Variants in BCAS1 observed in about 807,000 individuals in gnomAD.
The protein encoded by BCAS1 is breast carcinoma-amplified sequence 1.
BCAS1 carries 46 observed loss-of-function variants against 65.4 expected under a neutral mutation model. The ratio of observed to expected loss-of-function variants is 0.70; its 90% CI spans 0.55 to 0.90. The LOEUF is 0.90. Among genes scored for constraint, BCAS1 ranks in the 40% least tolerant of loss-of-function variants. The pLI is 0.00. For synonymous variants in BCAS1, 298 were observed against 293.5 expected (o/e 1.02, Z -0.16); for missense variants, 793 against 771.2 (o/e 1.03, Z -0.33).
intron 9 of BCAS1, among the ~76,000 whole-genome samples, chr20:53,974,259 C>A (rs554063807): frequency 3.9e-5 from 6 of 152,324 alleles, no homozygotes; most frequent in African/African-American, 1.4e-4. Context: ...GCTGTGGAAG[C>A]TTTGTTCTTT....
chr20:54,043,052 A>G (rs2092028859), intron 3 of BCAS1, among the ~76,000 whole-genome samples: 1 of 152,320 alleles, frequency 6.6e-6, no homozygotes, highest in African/African-American at 2.4e-5. Flanking sequence ...TGTAACTCTC[A>G]GAAGGCATTT....
intron 4 of BCAS1, among the ~76,000 whole-genome samples, chr20:53,996,964 T>G (rs2090932067): frequency 6.6e-6 from 1 of 152,204 alleles, no homozygotes; most frequent in Admixed American, 6.5e-5. Flanking sequence ...TTTCCAAACT[T>G]CTGGCTCTCT....
At position 54,036,238 on chromosome 20, in the gene BCAS1, T is replaced by C. The variant is rs142992999; in HGVS notation, c.143-7266A>G. On this transcript the variant is annotated intron_variant, in intron 3 of 12. Coordinates refer to ENST00000688948, the MANE Select transcript of BCAS1 (RefSeq NM_001366298.2). The stretch of plus-strand genomic sequence containing the variant: ...TGTACCCCTGAACTTAAAATAAAAG[T>C]TAAAAAAATGCAAAAAGATGACATA... 1.9e-4 allele frequency among the ~76,000 whole-genome samples: 28 copies of C among 151,138 alleles called. 1 individual carries two copies. Among genetic ancestry groups the C allele is most frequent in the African/African-American group, 6.8e-4 (28 of 41,366 alleles).
intron 1 of BCAS1, among the ~76,000 whole-genome samples, 183 bp downstream of exon 1, chr20:54,070,250 C>T (rs2146407122): frequency 6.6e-6 from 1 of 152,308 alleles, no homozygotes; most frequent in African/African-American, 2.4e-5. Flanking sequence ...GAGATGAGTG[C>T]TATCTTTGGG....
intron 7 of BCAS1, among the ~76,000 whole-genome samples, chr20:53,987,501 T>G (rs2090644208): frequency 6.6e-6 from 1 of 152,206 alleles, no homozygotes; most frequent in South Asian, 2.1e-4. Context: ...AACACACACA[T>G]GCTAAGTAGC....
intron 7 of BCAS1, 100 bp from the exon 8 acceptor site, chr20:53,985,599 TAA>T (rs1196455717): frequency 9.8e-7 from 1 of 1,019,478 alleles, no homozygotes; most frequent in Non-Finnish European, 1.4e-6. Flanking sequence ...AGGTTATACA[TAA>T]TGTTAATTTT....
At chr20:53,962,302 GCCT>G (rs2089902307) in intron 10 of BCAS1, among the ~76,000 whole-genome samples, 1 of 152,152 alleles carries the variant, frequency 6.6e-6, no homozygotes, top group African/African-American at 2.4e-5. Flanking sequence ...TTTCATGGCT[GCCT>G]CCTCATTTGG....
intron 3 of BCAS1, among the ~76,000 whole-genome samples, chr20:54,037,742 GA>G (rs1291648331): frequency 1.3e-5 from 2 of 151,276 alleles, no homozygotes; most frequent in Non-Finnish European, 3.0e-5. Context: ...ATGACTGGTA[GA>G]TTTAGTATTT....
chr20:53,990,014 G>A (rs1455243207), intron 7 of BCAS1, among the ~76,000 whole-genome samples: 1 of 152,168 alleles, frequency 6.6e-6, no homozygotes, highest in Non-Finnish European at 1.5e-5. Flanking sequence ...GATTCAATTT[G>A]GAGATTGTAT....
chr20:54,045,847 T>A (rs1357405101), intron 3 of BCAS1, among the ~76,000 whole-genome samples: 1 of 152,224 alleles, frequency 6.6e-6, no homozygotes, highest in Non-Finnish European at 1.5e-5. Flanking sequence ...AATTAATGAA[T>A]TGCCTCTATT....
chr20:53,950,478 C>G lies in BCAS1; in HGVS notation c.1815+2954G>C, dbSNP rs552598663. Among the ~76,000 whole-genome samples the G allele has an allele frequency of 5.3e-4, 81 of 152,090 alleles. 3 individuals are homozygous for G. The South Asian group carries it at 0.016, about 31-fold the overall frequency. ...TCAGGCAAAAGTAGCACACACCCCCCCATCCATACTCAGGCAAACTCTATC... is the reference window on the plus strand; with the variant it reads ...TCAGGCAAAAGTAGCACACACCCCCGCATCCATACTCAGGCAAACTCTATC... On this transcript the variant is annotated intron_variant, in intron 12 of 12. Coordinates refer to ENST00000688948, the MANE Select transcript of BCAS1 (RefSeq NM_001366298.2).
At chr20:54,011,971 T>G (rs1340108238) in intron 4 of BCAS1, among the ~76,000 whole-genome samples, 1 of 152,188 alleles carries the variant, frequency 6.6e-6, no homozygotes, top group Non-Finnish European at 1.5e-5. Context: ...GCATTAATGT[T>G]TATAGCAAAG....
At chr20:53,994,295 ACT>A (rs2090844409) in intron 6 of BCAS1, among the ~76,000 whole-genome samples, 1 of 152,208 alleles carries the variant, frequency 6.6e-6, no homozygotes, top group African/African-American at 2.4e-5. Context: ...CGTGTATTCC[ACT>A]AGAGGTAACG....
At chr20:54,069,676 G>A (rs527485021) in intron 1 of BCAS1, among the ~76,000 whole-genome samples, 4 of 152,278 alleles carry the variant, frequency 2.6e-5, no homozygotes, top group East Asian at 1.9e-4. Context: ...AGGTATTTAC[G>A]GGCAGTAGAG....
chr20:53,970,164 A>G (rs529068428), intron 9 of BCAS1, among the ~76,000 whole-genome samples: 1 of 152,368 alleles, frequency 6.6e-6, no homozygotes, highest in Admixed American at 6.5e-5. Flanking sequence ...ATAACTCTGT[A>G]AATCAATTCT....
At chr20:53,972,515 T>G (rs368612254) in intron 9 of BCAS1, among the ~76,000 whole-genome samples, 1 of 152,242 alleles carries the variant, frequency 6.6e-6, no homozygotes, top group Non-Finnish European at 1.5e-5. Flanking sequence ...CTCTGTTGCC[T>G]AGCAACAAAG....
At chr20:53,965,509 G>A (rs1300495977) in intron 10 of BCAS1, among the ~76,000 whole-genome samples, 1 of 152,066 alleles carries the variant, frequency 6.6e-6, no homozygotes, top group African/African-American at 2.4e-5. Context: ...TATTATTTAA[G>A]CTCCTGGCTG....
intron 1 of BCAS1, among the ~76,000 whole-genome samples, chr20:54,059,272 A>C (rs901737125): frequency 6.6e-6 from 1 of 152,228 alleles, no homozygotes; most frequent in African/African-American, 2.4e-5. Context: ...ATTCAACAGA[A>C]TTAAAGTTAA....
At position 54,028,800 on chromosome 20, in the gene BCAS1, T is replaced by C. The variant is rs1368197817; in HGVS notation, c.315A>G (p.Gly105=). 4 of 1,614,036 alleles carry C rather than the reference T, an allele frequency of 2.5e-6. No individual in the cohort carries two copies. Among genetic ancestry groups the C allele is most frequent in the Admixed American group, 3.3e-5 (2 of 60,000 alleles). Residue 105 remains glycine (G), a synonymous_variant, in exon 4 of 13, where the codon GGA becomes GGG. Coordinates refer to ENST00000688948, the MANE Select transcript of BCAS1 (RefSeq NM_001366298.2). The part of the protein sequence containing the change: ...FFLMLSRPVP[G]RTGDQAADSS... ...AATCTGCGGCTTGGTCTCCGGTACGTCCTGGTACAGGCCGAGAGAGCATCA... is the reference window on the plus strand; with the variant it reads ...AATCTGCGGCTTGGTCTCCGGTACGCCCTGGTACAGGCCGAGAGAGCATCA...
Sources: allele counts gnomAD v4.1 joint callset (sites outside exome capture counted in the v4.1 genomes callset), GRCh38; gene constraint gnomAD v4.1.1; transcripts MANE v1.5; gene names NCBI Gene and HGNC (gene_info 2026-07-23, HGNC 2026-07-21).